NOL4: variants seen among roughly 807,000 people sequenced by gnomAD.
NOL4 encodes the protein cancer/testis antigen 125.
In NOL4, 17 loss-of-function variants were observed where a neutral mutation model predicts 75.9. That is an observed-to-expected ratio of 0.22 (90% CI 0.15 to 0.34). The LOEUF (loss-of-function observed/expected upper bound fraction) is 0.34. Among genes scored for constraint, NOL4 ranks in the 10% least tolerant of loss-of-function variants. The pLI is 1.00. For missense variants in NOL4, 614 were observed against 793.5 expected (o/e 0.77, Z 2.72); for synonymous variants, 292 against 289.9 (o/e 1.01, Z -0.07).
intron 9 of NOL4, among the ~76,000 whole-genome samples, chr18:33,927,630 A>T (rs1399486080): frequency 6.6e-6 from 1 of 152,226 alleles, no homozygotes; most frequent in Admixed American, 6.5e-5. Flanking sequence ...AAAATGTATA[A>T]GGATTTATCC....
intron 5 of NOL4, among the ~76,000 whole-genome samples, chr18:34,034,095 G>A (rs543059937): frequency 3.2e-4 from 48 of 152,230 alleles, no homozygotes; most frequent in African/African-American, 1.1e-3. Context: ...ATGAAAACAC[G>A]TTGTAACTAA....
chr18:34,066,925 A>C (rs1026586242), intron 5 of NOL4, among the ~76,000 whole-genome samples: 1 of 152,128 alleles, frequency 6.6e-6, no homozygotes, highest in East Asian at 1.9e-4. Context: ...CTGACTAATA[A>C]AGAATCAGCC....
rs188237852 is a variant in NOL4, at chr18:34,088,775, T to C, written c.772+4690A>G. On this transcript the variant is annotated intron_variant, in intron 5 of 10. Transcript: ENST00000261592. ...AAAACCAAAAATGAGGGTAAAATAC[T>C]TTTTATGCGAAGATTCAGTTTCTAA... Among the ~76,000 whole-genome samples, 8 of 152,262 alleles carry C rather than the reference T, an allele frequency of 5.3e-5. No homozygotes were observed. The East Asian group carries it at 7.7e-4, about 15-fold the overall frequency.
chr18:34,112,015 T>C (rs1238470396), intron 2 of NOL4, among the ~76,000 whole-genome samples: 6 of 152,184 alleles, frequency 3.9e-5, no homozygotes, highest in African/African-American at 1.2e-4. Context: ...GAAATCATTA[T>C]CTCAAAGAGA....
chr18:33,859,166 C>T (rs1261457179), intron 10 of NOL4, among the ~76,000 whole-genome samples: 1 of 151,992 alleles, frequency 6.6e-6, no homozygotes, highest in Admixed American at 6.6e-5. Context: ...TTTGACTTCT[C>T]AGGTTAAATC....
chr18:34,169,599 T>A (rs1323694923), intron 1 of NOL4, among the ~76,000 whole-genome samples: 4 of 151,934 alleles, frequency 2.6e-5, no homozygotes, highest in Non-Finnish European at 5.9e-5. Flanking sequence ...TTACAAAAAA[T>A]GTACTTCACA....
chr18:33,860,666 C>T (rs1438246957), intron 10 of NOL4, among the ~76,000 whole-genome samples: 12 of 152,014 alleles, frequency 7.9e-5, no homozygotes, highest in Non-Finnish European at 2.9e-5. Flanking sequence ...ACTTCCAACA[C>T]TATGTTGAAT....
chr18:34,209,156 T>TGCACTCCA (rs1286519753), intron 1 of NOL4, among the ~76,000 whole-genome samples: 2 of 135,542 alleles, frequency 1.5e-5, no homozygotes, highest in Admixed American at 8.4e-5. Context: ...ATCACACCAC[T>TGCACTCCA]GCACTCCAGC....
intron 1 of NOL4, among the ~76,000 whole-genome samples, chr18:34,184,171 C>T (rs1045808203): frequency 2.0e-5 from 3 of 151,640 alleles, no homozygotes; most frequent in African/African-American, 7.3e-5. Context: ...AAAGTAATTT[C>T]AAAGCTTCAG....
chr18:34,153,819 T>C (rs748583447), intron 1 of NOL4, among the ~76,000 whole-genome samples: 2 of 152,056 alleles, frequency 1.3e-5, no homozygotes, highest in Non-Finnish European at 2.9e-5. Flanking sequence ...ACAGCCAGCA[T>C]GGTAGCTCTG....
Position 34,224,741 on chromosome 18 carries a change from T to C in NOL4, c.-1488A>G, listed in dbSNP as rs2037505783. 1 of 152,892 alleles carries C rather than the reference T, an allele frequency of 6.5e-6. No homozygotes were observed. The highest frequency in any genetic ancestry group is 1.5e-5 in the Non-Finnish European group (1 of 68,548). 9.5% of individuals were successfully genotyped at this position (152,892 alleles called of 1,614,324 possible). ...GTAGCTGGTCCTGACACTTGCAAAA[T>C]GGTCAGTGGCTCCTGCTCGGCCAGG... On this transcript the variant is annotated 5_prime_UTR_variant, in exon 1 of 11. Transcript: ENST00000261592.
chr18:34,200,104 A>G (rs1364627268), intron 1 of NOL4, among the ~76,000 whole-genome samples: 1 of 151,848 alleles, frequency 6.6e-6, no homozygotes, highest in African/African-American at 2.4e-5. Flanking sequence ...GCAAACTAAG[A>G]GTTGACAGAG....
intron 5 of NOL4, among the ~76,000 whole-genome samples, chr18:34,030,553 T>C (rs764725612): frequency 6.6e-6 from 1 of 152,212 alleles, no homozygotes; most frequent in Non-Finnish European, 1.5e-5. Context: ...AAAATTGGAA[T>C]ATTGAAATTG....
chr18:34,008,284 C>A (rs1403102092), intron 6 of NOL4, among the ~76,000 whole-genome samples: 1 of 151,892 alleles, frequency 6.6e-6, no homozygotes, highest in African/African-American at 2.4e-5. Context: ...CCTGAGCCTC[C>A]AGCTGGCTGA....
At chr18:34,036,399 A>T (rs1600341884) in intron 5 of NOL4, among the ~76,000 whole-genome samples, 1 of 152,332 alleles carries the variant, frequency 6.6e-6, no homozygotes, top group Non-Finnish European at 1.5e-5. Flanking sequence ...AGCATTTGAT[A>T]AAACTCAACA....
chr18:33,882,220 T>A (rs911637890), intron 10 of NOL4, among the ~76,000 whole-genome samples: 4 of 152,032 alleles, frequency 2.6e-5, no homozygotes, highest in Non-Finnish European at 4.4e-5. Flanking sequence ...CTAATTAAAC[T>A]AAAGAGCTTC....
At chr18:33,957,560 GCT>G (rs775612348) in intron 7 of NOL4, 43 bp from the exon 8 acceptor site, 8 of 1,455,400 alleles carry the variant, frequency 5.5e-6, no homozygotes, top group Non-Finnish European at 7.6e-6. Context: ...TTGGAGGGCT[GCT>G]CTCTTCTGTT....
At chr18:33,884,063 T>C (rs2064482483) in intron 9 of NOL4, among the ~76,000 whole-genome samples, 1 of 152,080 alleles carries the variant, frequency 6.6e-6, no homozygotes, top group Non-Finnish European at 1.5e-5. Context: ...CTGACAATAT[T>C]GTACTGCACA....
At chr18:33,955,635 G>A (rs1031991230) in intron 8 of NOL4, among the ~76,000 whole-genome samples, 3 of 151,922 alleles carry the variant, frequency 2.0e-5, no homozygotes, top group South Asian at 2.1e-4. Context: ...TCACAGTCCC[G>A]GTGTTGAGAA....
Sources: allele counts gnomAD v4.1 joint callset (sites outside exome capture counted in the v4.1 genomes callset), GRCh38; gene constraint gnomAD v4.1.1; transcripts MANE v1.5; gene names NCBI Gene and HGNC (gene_info 2026-07-23, HGNC 2026-07-21).